Variants in PKD1L3 observed in about 807,000 individuals in gnomAD.
The protein encoded by PKD1L3 is polycystin-1-like protein 3.
PKD1L3 carries 239 observed loss-of-function variants against 184.1 expected under a neutral mutation model. That is an observed-to-expected ratio of 1.30 (90% CI 1.17 to 1.45). PKD1L3 has a LOEUF of 1.45. Ranked by LOEUF, PKD1L3 falls within the 40% of genes most tolerant of loss-of-function variation. The pLI is 0.00. For synonymous variants in PKD1L3, 996 were observed against 778.8 expected, an observed-to-expected ratio of 1.28 and a Z score of -4.64; for missense variants, 2,660 against 2,067.2, an observed-to-expected ratio of 1.29 and a Z score of -5.56.
intron 7 of PKD1L3, among the ~76,000 whole-genome samples, chr16:71,980,926 T>C (rs1005595165): frequency 2.0e-5 from 3 of 152,232 alleles, no homozygotes; most frequent in Admixed American, 2.0e-4. Flanking sequence ...GAATCTACTT[T>C]ATGTGTCTAC....
chr16:71,931,953 T>C (rs367823243), intron 28 of PKD1L3, among the ~76,000 whole-genome samples: 48 of 152,298 alleles, frequency 3.2e-4, no homozygotes, highest in Middle Eastern at 3.4e-3. Context: ...TGATCATAGC[T>C]CATTGCATCC....
chr16:71,948,428 C>G (rs548020665), intron 21 of PKD1L3, among the ~76,000 whole-genome samples: 1 of 152,216 alleles, frequency 6.6e-6, no homozygotes, highest in African/African-American at 2.4e-5. Flanking sequence ...ACTGTGTTGA[C>G]CAGGTTGGTC....
At chr16:71,937,228 G>A (rs1418992262) in intron 25 of PKD1L3, 64 bp downstream of exon 25, 1 of 1,480,532 alleles carries the variant, frequency 6.8e-7, no homozygotes, top group South Asian at 1.3e-5. Flanking sequence ...GGTAATTTTT[G>A]TAGTCTGGTA....
chr16:71,997,491 G>C (rs1332449505), intron 2 of PKD1L3, among the ~76,000 whole-genome samples: 1 of 151,944 alleles, frequency 6.6e-6, no homozygotes, highest in Non-Finnish European at 1.5e-5. Context: ...GCTCATGCCT[G>C]TAATCCCAAC....
chr16:71,974,513 T>C (rs1234386633), intron 11 of PKD1L3, among the ~76,000 whole-genome samples: 1 of 152,006 alleles, frequency 6.6e-6, no homozygotes, highest in Non-Finnish European at 1.5e-5. Context: ...AAACCCTGTC[T>C]CTACTAAAAA....
At chr16:71,963,789 CA>C (rs2039385141) in intron 15 of PKD1L3, among the ~76,000 whole-genome samples, 1 of 150,860 alleles carries the variant, frequency 6.6e-6, no homozygotes, top group African/African-American at 2.5e-5. Context: ...TCAAAAAAAA[CA>C]AAAAGAAAAG....
At chr16:71,969,839 A>T (rs1567526887) in intron 13 of PKD1L3, 36 bp downstream of exon 13, 1 of 1,514,158 alleles carries the variant, frequency 6.6e-7, no homozygotes, top group Non-Finnish European at 8.9e-7. Context: ...TACTCAAAAC[A>T]TCATGGCAAA....
chr16:71,995,103 C>T (rs942631605), intron 2 of PKD1L3, among the ~76,000 whole-genome samples: 2 of 152,174 alleles, frequency 1.3e-5, no homozygotes, highest in African/African-American at 4.8e-5. Context: ...ATCTAATGCT[C>T]ACAGTTCTGG....
intron 11 of PKD1L3, among the ~76,000 whole-genome samples, chr16:71,975,230 T>C (rs2039874994): frequency 6.6e-6 from 1 of 151,776 alleles, no homozygotes; most frequent in South Asian, 2.1e-4. Flanking sequence ...TAATTTTTTT[T>C]TTTTTTTTGT....
chr16:71,972,534 A>G (rs1265300436), intron 12 of PKD1L3, among the ~76,000 whole-genome samples: 1 of 151,934 alleles, frequency 6.6e-6, no homozygotes, highest in Non-Finnish European at 1.5e-5. Context: ...AATCTAAAAC[A>G]TTAGCCAGGC....
chr16:71,959,151 C>T (rs1415804630), intron 16 of PKD1L3, among the ~76,000 whole-genome samples: 1 of 151,276 alleles, frequency 6.6e-6, no homozygotes, highest in Admixed American at 6.6e-5. Context: ...GTGGCCCTCA[C>T]CTGTAATCTC....
rs566297499 is a variant in PKD1L3 at position 71,995,827 on chromosome 16, A to G, written c.418+2445T>C. On this transcript the variant is annotated intron_variant, in intron 2 of 29. Coordinates refer to ENST00000620267, the MANE Select transcript of PKD1L3 (RefSeq NM_181536.2). ...TTGCTGAATTCCCCTTTATTTATAA[A>G]TATATACAGATTATATCTTACTGCA... Among the ~76,000 whole-genome samples, 4 of 152,324 alleles carry G rather than the reference A, an allele frequency of 2.6e-5. No individual in the cohort carries two copies. In the South Asian group the frequency reaches 8.3e-4, roughly 32 times the overall value.
intron 12 of PKD1L3, among the ~76,000 whole-genome samples, chr16:71,971,159 G>C (rs757781506): frequency 2.0e-5 from 3 of 152,214 alleles, no homozygotes; most frequent in Non-Finnish European, 4.4e-5. Flanking sequence ...AGGAAGGAGA[G>C]AGACTAGAGA....
chr16:71,939,951 T>A (rs967137992), intron 24 of PKD1L3, among the ~76,000 whole-genome samples: 1 of 152,122 alleles, frequency 6.6e-6, no homozygotes. Flanking sequence ...AGGAATCACA[T>A]TGACTTAGCA....
intron 12 of PKD1L3, among the ~76,000 whole-genome samples, chr16:71,972,346 G>C (rs1264235763): frequency 6.6e-6 from 1 of 152,240 alleles, no homozygotes; most frequent in Non-Finnish European, 1.5e-5. Flanking sequence ...GTTGCGGTGA[G>C]CCGAGATCAT....
At chr16:71,989,684 G>C (rs1193856015) in intron 4 of PKD1L3, among the ~76,000 whole-genome samples, 1 of 152,128 alleles carries the variant, frequency 6.6e-6, no homozygotes, top group South Asian at 2.1e-4. Flanking sequence ...ATTTTTGTAA[G>C]ATGCCACAAG....
At chr16:71,986,914 ATTTT>A (rs71153694) in intron 4 of PKD1L3, among the ~76,000 whole-genome samples, 1,087 of 81,374 alleles carry the variant, frequency 0.013, 33 homozygotes, top group African/African-American at 0.056. Flanking sequence ...TAAGGAGAGG[ATTTT>A]TTTTTTTTTT....
Position 71,954,094 on chromosome 16 carries a change from C to T in PKD1L3, c.2809+11G>A. On this transcript the variant is annotated intron_variant, in intron 17 of 29. Coordinates refer to ENST00000620267, the MANE Select transcript of PKD1L3 (RefSeq NM_181536.2). ...TTACTACAAACAACACACATCAGGG[C>T]TCATCCATACTTTGCTCATCTCTCT... 2.6e-6 allele frequency: 4 copies of T among 1,514,874 alleles called. 1 individual carries two copies. Among genetic ancestry groups the T allele is most frequent in the East Asian group, 5.1e-5 (2 of 39,474 alleles). 93.8% of individuals were successfully genotyped at this position (1,514,874 alleles called of 1,614,324 possible). A position where few individuals can be genotyped will look rare whatever the true frequency, so the allele number is the denominator to read the frequency against.
intron 1 of PKD1L3, 109 bp downstream of exon 1, chr16:71,999,575 G>C: frequency 1.8e-6 from 2 of 1,091,722 alleles, no homozygotes; most frequent in Non-Finnish European, 2.5e-6. Flanking sequence ...TAAAGTGACT[G>C]GTTTTTCTGT....
Sources: gnomAD v4.1 joint callset for allele counts (sites outside exome capture counted in the v4.1 genomes callset) on GRCh38, gnomAD v4.1.1 for gene constraint, MANE v1.5 for transcripts, NCBI Gene and HGNC (gene_info 2026-07-23, HGNC 2026-07-21) for gene names.